Variants in TBXAS1 observed in about 807,000 individuals in gnomAD.
The protein encoded by TBXAS1 is thromboxane-A synthase.
A neutral mutation model predicts 60.7 loss-of-function variants in TBXAS1; 48 were observed. The observed-to-expected ratio is 0.79, with a 90% CI of 0.63 to 1.01. The LOEUF (loss-of-function observed/expected upper bound fraction) is 1.01, where lower values mean the gene tolerates loss of function less well. Ranked by LOEUF, TBXAS1 falls within the 50% of genes least tolerant of loss-of-function variation. The pLI is 0.00. For synonymous variants in TBXAS1, 287 were observed against 269.7 expected, an observed-to-expected ratio of 1.06 and a Z score of -0.63; for missense variants, 685 against 686.3, an observed-to-expected ratio of 1.00 and a Z score of 0.02.
At chr7:139,824,824 C>CTTCT (rs1798392609), upstream of TBXAS1, among the ~76,000 whole-genome samples, 5 of 127,128 alleles carry the variant, frequency 3.9e-5, no homozygotes, top group East Asian at 1.2e-3. Context: ...TTTTCTTTTC[C>CTTCT]TTTTCTTTTT....
chr7:139,949,936 G>A (rs1004471105), intron 5 of TBXAS1, among the ~76,000 whole-genome samples: 2 of 152,118 alleles, frequency 1.3e-5, no homozygotes, highest in East Asian at 1.9e-4. Context: ...CTGCACCAGG[G>A]CCTGCCTACA....
chr7:139,785,620 C>T (rs1291634048), intron 3 of TBXAS1, among the ~76,000 whole-genome samples: 1 of 152,064 alleles, frequency 6.6e-6, no homozygotes, highest in East Asian at 1.9e-4. Context: ...ACTCCAGTCT[C>T]TCCCTCGTCT....
intron 9 of TBXAS1, among the ~76,000 whole-genome samples, chr7:139,965,290 A>G (rs1810695163): frequency 6.6e-6 from 1 of 152,194 alleles, no homozygotes; most frequent in South Asian, 2.1e-4. Context: ...CCCTTGGTCA[A>G]ATAAACACAT....
intron 4 of TBXAS1, among the ~76,000 whole-genome samples, chr7:139,809,093 A>G (rs571367634): frequency 1.7e-3 from 252 of 152,208 alleles, no homozygotes; most frequent in African/African-American, 6.0e-3. Flanking sequence ...ATGCAAATTA[A>G]TCACTTTGGC....
At chr7:139,867,676 C>T (rs1160106559) in intron 1 of TBXAS1, among the ~76,000 whole-genome samples, 2 of 152,066 alleles carry the variant, frequency 1.3e-5, no homozygotes, top group African/African-American at 4.8e-5. Context: ...AAAAATTAGC[C>T]TGGCGTGGTG....
chr7:139,943,057 C>A (rs1808415151), intron 5 of TBXAS1, among the ~76,000 whole-genome samples: 1 of 152,210 alleles, frequency 6.6e-6, no homozygotes, highest in Admixed American at 6.5e-5. Flanking sequence ...TGTAAACTCT[C>A]CAGATGGTCA....
intron 3 of TBXAS1, among the ~76,000 whole-genome samples, chr7:139,879,685 A>C (rs1303738277): frequency 6.6e-6 from 1 of 152,158 alleles, no homozygotes; most frequent in East Asian, 1.9e-4. Flanking sequence ...TCCAATTTGT[A>C]GCTGGACTTT....
intron 4 of TBXAS1, among the ~76,000 whole-genome samples, chr7:139,928,013 T>C (rs56088260): frequency 0.064 from 9,686 of 152,260 alleles, 655 homozygotes; most frequent in African/African-American, 0.17. Flanking sequence ...TCTTGCCTTA[T>C]TGACCTCTCT....
intron 4 of TBXAS1, among the ~76,000 whole-genome samples, chr7:139,911,955 G>A (rs1251147856): frequency 4.6e-5 from 7 of 152,246 alleles, no homozygotes; most frequent in Non-Finnish European, 1.0e-4. Context: ...ATCAGGCCAG[G>A]CACAGTGGCT....
intron 9 of TBXAS1, among the ~76,000 whole-genome samples, chr7:140,001,013 G>A (rs1166632941): frequency 6.6e-6 from 1 of 152,220 alleles, no homozygotes; most frequent in Non-Finnish European, 1.5e-5. Flanking sequence ...ATACTGTCCT[G>A]ACGACTGGCC....
intron 12 of TBXAS1, among the ~76,000 whole-genome samples, chr7:140,018,988 T>C (rs1449573327): frequency 6.6e-6 from 1 of 152,220 alleles, no homozygotes; most frequent in East Asian, 1.9e-4. Context: ...CTGCCTATCC[T>C]GACCACTGCT....
At chr7:139,895,666 G>A (rs989956684) in intron 3 of TBXAS1, among the ~76,000 whole-genome samples, 6 of 152,234 alleles carry the variant, frequency 3.9e-5, no homozygotes, top group African/African-American at 9.6e-5. Flanking sequence ...GGATCTGGAC[G>A]ACATGTCTTG....
chr7:139,886,530 C>T (rs986679537), intron 3 of TBXAS1, among the ~76,000 whole-genome samples: 3 of 151,854 alleles, frequency 2.0e-5, no homozygotes, highest in Middle Eastern at 3.2e-3. Flanking sequence ...AAACACCCCC[C>T]AGCACCTCTT....
chr7:139,982,393 C>T (rs1380248179), intron 9 of TBXAS1, among the ~76,000 whole-genome samples: 1 of 152,080 alleles, frequency 6.6e-6, no homozygotes, highest in Admixed American at 6.5e-5. Flanking sequence ...GGGAGGCTGG[C>T]TCTCCTAGGA....
intron 4 of TBXAS1, among the ~76,000 whole-genome samples, chr7:139,806,322 G>T (rs1187111809): frequency 4.0e-5 from 6 of 151,226 alleles, no homozygotes; most frequent in Non-Finnish European, 5.9e-5. Flanking sequence ...GAGTGCAGTG[G>T]CACAATCTTG....
chr7:139,831,487 G>A (rs751120336), intron 1 of TBXAS1, among the ~76,000 whole-genome samples: 1 of 152,240 alleles, frequency 6.6e-6, no homozygotes, highest in Non-Finnish European at 1.5e-5. Flanking sequence ...AGGATTCACA[G>A]GCAAGGAAAG....
intron 9 of TBXAS1, among the ~76,000 whole-genome samples, chr7:139,985,070 A>C (rs1252588169): frequency 6.6e-6 from 1 of 152,220 alleles, no homozygotes; most frequent in Non-Finnish European, 1.5e-5. Context: ...GCTGGAGATC[A>C]TTCTGCCAGT....
chr7:139,797,723 G>A (rs576186515), intron 4 of TBXAS1, among the ~76,000 whole-genome samples: 12 of 152,216 alleles, frequency 7.9e-5, no homozygotes, highest in East Asian at 3.9e-4. Flanking sequence ...TGAAGTAAAG[G>A]GTCAGTGCAC....
At chr7:139,962,490 G>A (rs1810452358) in intron 9 of TBXAS1, 1 of 426,372 alleles carries the variant, frequency 2.3e-6, no homozygotes, top group South Asian at 2.1e-5. Context: ...GCCAGGCCTG[G>A]CTCGAGGAAG....
Sources: gnomAD v4.1 joint callset for allele counts (sites outside exome capture counted in the v4.1 genomes callset) on GRCh38, gnomAD v4.1.1 for gene constraint, MANE v1.5 for transcripts, NCBI Gene and HGNC (gene_info 2026-07-23, HGNC 2026-07-21) for gene names.